HSF1: variants seen among roughly 807,000 people sequenced by gnomAD.
HSF1 encodes heat shock factor protein 1.
HSF1 carries 32 observed loss-of-function variants against 51.7 expected under a neutral mutation model. That is an observed-to-expected ratio of 0.62 (90% CI 0.47 to 0.83). The LOEUF (loss-of-function observed/expected upper bound fraction) is 0.83. Ranked by LOEUF, HSF1 falls within the 40% of genes least tolerant of loss-of-function variation. The pLI is 0.00. For missense variants in HSF1, 727 were observed against 717.0 expected, an observed-to-expected ratio of 1.01 and a Z score of -0.16; for synonymous variants, 396 against 309.7, an observed-to-expected ratio of 1.28 and a Z score of -2.92.
chr8:144,311,247 A>G lies in HSF1; in HGVS notation c.562A>G (p.Lys188Glu), dbSNP rs1319793681. ...TGCCCAGCAACAGAAAGTCGTCAAC[A>G]AGGTGGGGGCAGGGCCAGAGGGCCG... is the stretch of plus-strand genomic sequence containing the variant. Reference protein sequence around the residue: ...KHAQQQKVVNKLIQFLISLVQ... With the variant: ...KHAQQQKVVNELIQFLISLVQ... Residue 188 changes from lysine to glutamate, a missense_variant and splice_region_variant, in exon 5 of 13, where the codon AAG becomes GAG. By Grantham distance (56) the Lys-to-Glu change is moderately conservative (BLOSUM62 1). Around this residue, in one of 2 missense-constraint regions of HSF1, gnomAD observed 257 missense variants for 318.3 expected, o/e 0.81. Coordinates refer to ENST00000528838, the MANE Select transcript of HSF1 (RefSeq NM_005526.4). The G allele has an allele frequency of 1.2e-6, 2 of 1,613,280 alleles. No individual in the cohort carries two copies. The highest frequency in any genetic ancestry group is 1.7e-6 in the Non-Finnish European group (2 of 1,179,940).
rs371903195 is a variant in HSF1 at position 144,312,003 on chromosome 8, C to T, written c.901C>T (p.Pro301Ser). Residue 301 changes from proline (P) to serine (S), a missense_variant, in exon 9 of 13, where the codon CCC becomes TCC. Transcript: ENST00000528838. ...SSPLVRVKEE[P>S]PSPPQSPRVE... is the part of the protein sequence containing the mutation. The stretch of plus-strand genomic sequence containing the variant: ...CCCCCTGGTGCGTGTCAAGGAGGAG[C>T]CCCCCAGCCCGCCTCAGAGCCCCCG... 1.3e-6 allele frequency: 2 copies of T among 1,592,554 alleles called. No homozygotes were observed. The highest frequency in any genetic ancestry group is 1.1e-5 in the South Asian group (1 of 89,648).
Position 144,312,065 on chromosome 8 carries a change from G to A in HSF1, c.963G>A (p.Val321=). The part of the protein sequence containing the change: ...EEASPGRPSS[V]DTLLSPTALI... ...CGAGTCCCGGGCGCCCATCTTCCGT[G>A]GACACCCTCTTGTCCCCGACCGCCC... The change falls in exon 9 of 13, where the codon GTG becomes GTA. Residue 321 remains valine (V), a synonymous_variant. Transcript: ENST00000528838. 1 of 1,612,256 alleles carries A rather than the reference G, an allele frequency of 6.2e-7. No individual in the cohort carries two copies. Among genetic ancestry groups the A allele is most frequent in the Non-Finnish European group, 8.5e-7 (1 of 1,179,778 alleles).
rs1022832972 is a variant in HSF1, at chr8:144,291,999, C to T, written c.117+125C>T. The T allele has an allele frequency of 8.0e-5, 38 of 475,380 alleles. No individual in the cohort carries two copies. The highest frequency in any genetic ancestry group is 1.2e-4 in the Non-Finnish European group (34 of 280,300). 29.4% of individuals were successfully genotyped at this position (475,380 alleles called of 1,614,324 possible). A position where few individuals can be genotyped will look rare whatever the true frequency, so the allele number is the denominator to read the frequency against. Reference sequence around the variant, plus strand: ...TCAGCTTACGCGCGGTGAGCCTGCCCTGCCCCCGCCAGAGAAGGGCGGCGG... The same window carrying T: ...TCAGCTTACGCGCGGTGAGCCTGCCTTGCCCCCGCCAGAGAAGGGCGGCGG... On this transcript the variant is annotated intron_variant, in intron 1 of 12. Coordinates refer to ENST00000528838, the MANE Select transcript of HSF1 (RefSeq NM_005526.4). The surrounding 1 kb of genome is among the most constrained non-coding windows in gnomAD (Gnocchi z 4.1).
At chr8:144,295,093 C>T (rs1156563227) in intron 1 of HSF1, among the ~76,000 whole-genome samples, 2 of 152,172 alleles carry the variant, frequency 1.3e-5, no homozygotes, top group Non-Finnish European at 2.9e-5. Flanking sequence ...CTCCCTGCCC[C>T]GTGCCCTGGT....
Position 144,302,238 on chromosome 8 carries a change from G to C in HSF1, c.118-6668G>C, listed in dbSNP as rs558408139. Among the ~76,000 whole-genome samples the C allele has an allele frequency of 1.7e-3, 259 of 151,926 alleles. 3 individuals are homozygous for C. The highest frequency in any genetic ancestry group is 2.1e-3 in the Non-Finnish European group (141 of 68,006). On this transcript the variant is annotated intron_variant, in intron 1 of 12. Transcript: ENST00000528838. ...AAAAATTAAAGGCAGGCCGGGCGCCGTGGCTCACGCCTGTAATCCCAGCAC... is the reference window on the plus strand; with the variant it reads ...AAAAATTAAAGGCAGGCCGGGCGCCCTGGCTCACGCCTGTAATCCCAGCAC...
In HSF1 at chr8:144,314,181, G is replaced by C; in HGVS notation, c.1441G>C (p.Val481Leu). Residue 481 changes from valine (V) to leucine (L), a missense_variant, in exon 13 of 13, where the codon GTG (valine) becomes CTG (leucine). Coordinates refer to ENST00000528838, the MANE Select transcript of HSF1 (RefSeq NM_005526.4). The part of the protein sequence containing the change: ...QPLFLLDPGS[V>L]DTGSNDLPVL... ...GCTGTTCCTGCTGGACCCCGGCTCC[G>C]TGGACACCGGGAGCAACGACCTGCC... 1 of 1,537,210 alleles carries C rather than the reference G, an allele frequency of 6.5e-7. No homozygotes were observed. Among genetic ancestry groups the C allele is most frequent in the Non-Finnish European group, 8.8e-7 (1 of 1,140,750 alleles).
At position 144,309,454 on chromosome 8, in the gene HSF1, G is replaced by C. The variant is rs1554843872; in HGVS notation, c.227-1G>C. ...GCTGCCCCCTTCCCTGTTATGTGCA[G>C]ATGGCTTCCGGAAAGTGGTCCACAT... On this transcript the variant is annotated splice_acceptor_variant, in intron 2 of 12. Coordinates refer to ENST00000528838, the MANE Select transcript of HSF1 (RefSeq NM_005526.4). LOFTEE classifies it high-confidence loss of function. 1 of 1,613,940 alleles carries C rather than the reference G, an allele frequency of 6.2e-7. No individual in the cohort carries two copies. Among genetic ancestry groups the C allele is most frequent in the African/African-American group, 1.3e-5 (1 of 75,056 alleles).
At chr8:144,293,647 AGG>A in intron 1 of HSF1, 1 of 151,806 alleles carries the variant, frequency 6.6e-6, no homozygotes, top group African/African-American at 2.4e-5. Flanking sequence ...CACATTGGAC[AGG>A]CTGGTCTGGA....
intron 1 of HSF1, among the ~76,000 whole-genome samples, chr8:144,304,828 G>A (rs1034381774): frequency 1.3e-5 from 2 of 151,260 alleles, no homozygotes; most frequent in Non-Finnish European, 2.9e-5. Flanking sequence ...ATTTTTAGTA[G>A]AGGCGGGGTT....
intron 1 of HSF1, among the ~76,000 whole-genome samples, chr8:144,307,369 C>T (rs1018221844): frequency 2.6e-5 from 4 of 152,244 alleles, no homozygotes; most frequent in Non-Finnish European, 4.4e-5. Context: ...CAGCGGCTGC[C>T]AGGACGCTGT....
intron 11 of HSF1, 28 bp downstream of exon 11, chr8:144,313,939 G>GA: frequency 6.2e-7 from 1 of 1,610,358 alleles, no homozygotes; most frequent in Non-Finnish European, 8.5e-7. Context: ...GGGTGAGGGG[G>GA]AACGAGACCA....
chr8:144,311,357 C>T lies in HSF1; in HGVS notation c.601C>T (p.Arg201Trp). ...CCTGATCTCACTGGTGCAGTCAAAC[C>T]GGATCCTGGGGGTGAAGAGAAAGAT... ...QFLISLVQSN[R>W]ILGVKRKIPL... The change falls in exon 6 of 13, where the codon CGG (arginine) becomes TGG (tryptophan). Residue 201 changes from arginine (R) to tryptophan (W), a missense_variant. Arg to Trp is a moderately radical substitution (Grantham distance 101). Coordinates refer to ENST00000528838, the MANE Select transcript of HSF1 (RefSeq NM_005526.4). 3.1e-6 allele frequency: 5 copies of T among 1,614,026 alleles called. No individual in the cohort carries two copies. The highest frequency in any genetic ancestry group is 4.2e-6 in the Non-Finnish European group (5 of 1,180,012).
At chr8:144,304,556 A>C (rs1430219246) in intron 1 of HSF1, among the ~76,000 whole-genome samples, 5 of 152,208 alleles carry the variant, frequency 3.3e-5, no homozygotes, top group African/African-American at 1.2e-4. Context: ...CTGGGATTAC[A>C]GGCATGAGTA....
In HSF1 at chr8:144,292,000, T is replaced by TGCCCC. The variant is rs1815121651; in HGVS notation, c.117+127_117+131dup. On this transcript the variant is annotated intron_variant, in intron 1 of 12. Transcript: ENST00000528838. The surrounding 1 kb of genome is among the most constrained non-coding windows in gnomAD (Gnocchi z 4.1). Reference sequence around the variant, plus strand: ...CAGCTTACGCGCGGTGAGCCTGCCCTGCCCCCGCCAGAGAAGGGCGGCGGG... The same window carrying TGCCCC: ...CAGCTTACGCGCGGTGAGCCTGCCCTGCCCCGCCCCCGCCAGAGAAGGGCGGCGGG... 1 of 471,750 alleles carries TGCCCC rather than the reference T, an allele frequency of 2.1e-6. No homozygotes were observed. Among genetic ancestry groups the TGCCCC allele is most frequent in the East Asian group, 3.8e-5 (1 of 26,326 alleles). The allele number at this position is 471,750 out of a possible 1,614,324, so 29.2% of individuals were successfully genotyped here.
intron 1 of HSF1, among the ~76,000 whole-genome samples, chr8:144,302,537 A>T (rs1815959177): frequency 1.3e-5 from 2 of 151,326 alleles, no homozygotes; most frequent in African/African-American, 4.8e-5. Flanking sequence ...TAATAAATAA[A>T]ACGCAAGTGG....
In HSF1 at chr8:144,312,854, TCA is replaced by T. The variant is rs1588666453; in HGVS notation, c.1142+611_1142+612del. Reference sequence around the variant, plus strand: ...GCCGAGACCCCTCTGTGGCGGGGGCTCAGTGTCGTCATGGCTCCCCTGGCCAC... The same window carrying T: ...GCCGAGACCCCTCTGTGGCGGGGGCTGTGTCGTCATGGCTCCCCTGGCCAC... On this transcript the variant is annotated intron_variant, in intron 9 of 12. Transcript: ENST00000528838. 7 of 711,814 alleles carry T rather than the reference TCA, an allele frequency of 9.8e-6. No homozygotes were observed. The East Asian group carries it at 1.9e-4, about 19-fold the overall frequency. The allele number at this position is 711,814 out of a possible 1,614,324, so 44.1% of individuals were successfully genotyped here.
chr8:144,294,627 T>G (rs1815335432), intron 1 of HSF1, among the ~76,000 whole-genome samples: 1 of 152,232 alleles, frequency 6.6e-6, no homozygotes, highest in East Asian at 1.9e-4. Flanking sequence ...GGACCACCAT[T>G]GCACGTCCCC....
intron 1 of HSF1, among the ~76,000 whole-genome samples, chr8:144,298,697 T>TG (rs1157981329): frequency 6.6e-6 from 1 of 152,102 alleles, no homozygotes. Flanking sequence ...CAGACTCACG[T>TG]GCAGAGAACC....
chr8:144,311,387 G>A lies in HSF1; in HGVS notation c.626+5G>A. On this transcript the variant is annotated splice_donor_5th_base_variant and intron_variant, in intron 6 of 12. Coordinates refer to ENST00000528838, the MANE Select transcript of HSF1 (RefSeq NM_005526.4). Reference sequence around the variant, plus strand: ...CCTGGGGGTGAAGAGAAAGATGTGAGGTTTTGGGGATGCCTGCATCCACCA... The same window carrying A: ...CCTGGGGGTGAAGAGAAAGATGTGAAGTTTTGGGGATGCCTGCATCCACCA... 1 of 1,613,932 alleles carries A rather than the reference G, an allele frequency of 6.2e-7. No homozygotes were observed. The highest frequency in any genetic ancestry group is 8.5e-7 in the Non-Finnish European group (1 of 1,179,990).
Sources: gnomAD v4.1 joint callset for allele counts (sites outside exome capture counted in the v4.1 genomes callset) on GRCh38, gnomAD v4.1.1 for gene constraint, gnomAD v4.1.1 regional missense constraint, Gnocchi (gnomAD v3.1) non-coding constraint, MANE v1.5 for transcripts, NCBI Gene and HGNC (gene_info 2026-07-23, HGNC 2026-07-21) for gene names.